Variants in PPP2R2B observed in about 807,000 individuals in gnomAD.
The protein encoded by PPP2R2B is serine/threonine-protein phosphatase 2A 55 kDa regulatory subunit B beta isoform.
PPP2R2B carries 5 observed loss-of-function variants against 46.0 expected under a neutral mutation model. The observed-to-expected ratio is 0.11, with a 90% CI of 0.06 to 0.23. The LOEUF is 0.23. PPP2R2B is among the 10% of genes least tolerant of loss of function. PPP2R2B has a pLI of 1.00. For synonymous variants in PPP2R2B, 215 were observed against 206.7 expected, an observed-to-expected ratio of 1.04 and a Z score of -0.34; for missense variants, 367 against 575.0, an observed-to-expected ratio of 0.64 and a Z score of 3.70.
intron 1 of PPP2R2B, among the ~76,000 whole-genome samples, chr5:146,904,277 A>G (rs1189276085): frequency 6.6e-6 from 1 of 152,248 alleles, no homozygotes; most frequent in African/African-American, 2.4e-5. Flanking sequence ...TCCTAAAAGT[A>G]TGAAAGGTCA....
chr5:146,638,517 A>G lies in PPP2R2B; in HGVS notation c.626-102T>C, dbSNP rs977539466. 21 of 1,122,758 alleles carry G rather than the reference A, an allele frequency of 1.9e-5. No homozygotes were observed. In the African/African-American group the frequency reaches 2.5e-4, roughly 13 times the overall value. The allele number at this position is 1,122,758 out of a possible 1,614,324, so 69.5% of individuals were successfully genotyped here. A position where few individuals can be genotyped will look rare whatever the true frequency, so the allele number is the denominator to read the frequency against. On this transcript the variant is annotated intron_variant, in intron 6 of 9. Coordinates refer to ENST00000394411, the MANE Select transcript of PPP2R2B (RefSeq NM_181675.4). ...CATCTTATATTAGTAAAATATGTCA[A>G]CATTTGCTATGCACATGGTAGATCC...
chr5:146,617,260 C>T (rs996494493), intron 7 of PPP2R2B, among the ~76,000 whole-genome samples: 1 of 151,108 alleles, frequency 6.6e-6, no homozygotes, highest in Non-Finnish European at 1.5e-5. Flanking sequence ...TTAATGGGTA[C>T]AAAAAAATAG....
chr5:146,920,795 G>C (rs918004075), intron 1 of PPP2R2B, among the ~76,000 whole-genome samples: 1 of 152,156 alleles, frequency 6.6e-6, no homozygotes, highest in Non-Finnish European at 1.5e-5. Flanking sequence ...AGGGGAGTGG[G>C]TGGGTACGTC....
At chr5:146,907,926 A>C (rs1463655932) in intron 1 of PPP2R2B, among the ~76,000 whole-genome samples, 2 of 152,170 alleles carry the variant, frequency 1.3e-5, no homozygotes, top group African/African-American at 4.8e-5. Flanking sequence ...GCAGCATTGA[A>C]TTCCCTAGAA....
intron 5 of PPP2R2B, among the ~76,000 whole-genome samples, chr5:146,658,811 C>T (rs1174232849): frequency 6.6e-6 from 1 of 152,100 alleles, no homozygotes; most frequent in African/African-American, 2.4e-5. Flanking sequence ...TAATCAAGGC[C>T]GCATAGACGC....
At chr5:147,003,351 G>C (rs1340432537) in intron 1 of PPP2R2B, among the ~76,000 whole-genome samples, 3 of 152,112 alleles carry the variant, frequency 2.0e-5, no homozygotes, top group Non-Finnish European at 4.4e-5. Flanking sequence ...AAGCTGTAGG[G>C]AGAGGGGAAT....
intron 2 of PPP2R2B, among the ~76,000 whole-genome samples, chr5:146,860,256 T>G (rs1485155308): frequency 1.3e-5 from 2 of 152,188 alleles, no homozygotes; most frequent in Non-Finnish European, 1.5e-5. Flanking sequence ...CCTATCAAAT[T>G]TAGAAAAGCA....
In PPP2R2B at chr5:146,638,387, C is replaced by T; in HGVS notation, c.654G>A (p.Met218Ile). The change falls in exon 7 of 10, where the codon ATG becomes ATA. Residue 218 changes from methionine to isoleucine, a missense_variant. Met to Ile is a conservative substitution (Grantham distance 10). This residue lies in a region of PPP2R2B where 361 missense variants were observed against 545.5 expected (regional missense o/e 0.66). Coordinates refer to ENST00000394411, the MANE Select transcript of PPP2R2B (RefSeq NM_181675.4). ...CTGTGATCACCTCCGTGAGCTCCTC[C>T]ATGTTGGCTGGCTTAATGTCCACAA... ...FNIVDIKPAN[M>I]EELTEVITAA... 6.2e-7 allele frequency: 1 copy of T among 1,611,430 alleles called. No individual in the cohort carries two copies.
chr5:146,888,732 C>A (rs1762403986), intron 1 of PPP2R2B, among the ~76,000 whole-genome samples: 1 of 152,160 alleles, frequency 6.6e-6, no homozygotes. Flanking sequence ...ACCACCACCA[C>A]TCCCTATAGA....
chr5:147,011,516 A>G (rs1754732754), intron 1 of PPP2R2B, among the ~76,000 whole-genome samples: 1 of 152,202 alleles, frequency 6.6e-6, no homozygotes, highest in Non-Finnish European at 1.5e-5. Flanking sequence ...TAAGGAATAT[A>G]TAAAACAAAA....
At chr5:146,765,614 C>A (rs527332784) in intron 2 of PPP2R2B, among the ~76,000 whole-genome samples, 3 of 152,310 alleles carry the variant, frequency 2.0e-5, no homozygotes, top group Non-Finnish European at 4.4e-5. Flanking sequence ...CAAGACCATG[C>A]TTTGTTTCTT....
intron 2 of PPP2R2B, among the ~76,000 whole-genome samples, chr5:146,850,368 C>T (rs1760270051): frequency 6.6e-6 from 1 of 152,128 alleles, no homozygotes; most frequent in African/African-American, 2.4e-5. Context: ...CCCAATCTTC[C>T]CTACATTTAA....
chr5:146,848,553 G>GT (rs1202480363), intron 2 of PPP2R2B, among the ~76,000 whole-genome samples: 1 of 151,914 alleles, frequency 6.6e-6, no homozygotes, highest in African/African-American at 2.4e-5. Context: ...TGTTTTTCTC[G>GT]TGATTGAAGA....
intron 5 of PPP2R2B, 138 bp downstream of exon 5, chr5:146,690,990 G>A: frequency 1.5e-6 from 1 of 645,550 alleles, no homozygotes; most frequent in South Asian, 2.0e-5. Context: ...ACCAGAGAGA[G>A]ACTGGGGTAG....
intron 2 of PPP2R2B, among the ~76,000 whole-genome samples, chr5:147,070,114 T>G (rs1757542645): frequency 6.6e-6 from 1 of 152,080 alleles, no homozygotes; most frequent in Non-Finnish European, 1.5e-5. Context: ...ATAGCATATG[T>G]CATCATCAGA....
intron 1 of PPP2R2B, among the ~76,000 whole-genome samples, chr5:146,910,459 T>C (rs541236832): frequency 3.3e-5 from 5 of 152,212 alleles, no homozygotes; most frequent in Non-Finnish European, 7.3e-5. Context: ...TGTACAAACA[T>C]GCAGTGAATA....
chr5:146,793,534 C>T (rs545558365), intron 2 of PPP2R2B, among the ~76,000 whole-genome samples: 1 of 152,184 alleles, frequency 6.6e-6, no homozygotes, highest in South Asian at 2.1e-4. Flanking sequence ...TTATTTTTAT[C>T]CTAATTTTAT....
intron 9 of PPP2R2B, among the ~76,000 whole-genome samples, chr5:146,590,755 G>A (rs928123539): frequency 1.3e-5 from 2 of 152,094 alleles, no homozygotes; most frequent in African/African-American, 2.4e-5. Flanking sequence ...GCACGAACCC[G>A]GGGCGCGACC....
rs1370801012 is a variant in PPP2R2B at position 146,676,190 on chromosome 5, T to A, written c.447+14938A>T. Among the ~76,000 whole-genome samples the A allele has an allele frequency of 3.3e-5, 5 of 152,264 alleles. No individual in the cohort carries two copies. The East Asian group carries it at 9.7e-4, about 29-fold the overall frequency. ...TCTGCCAGGAACTATCTAGGCGGCT[T>A]TTCCATGTTGGTGAACATCCTGTCT... On this transcript the variant is annotated intron_variant, in intron 5 of 9. Coordinates refer to ENST00000394411, the MANE Select transcript of PPP2R2B (RefSeq NM_181675.4).
Sources: gnomAD v4.1 joint callset for allele counts (sites outside exome capture counted in the v4.1 genomes callset) on GRCh38, gnomAD v4.1.1 for gene constraint, gnomAD v4.1.1 regional missense constraint, MANE v1.5 for transcripts, NCBI Gene and HGNC (gene_info 2026-07-23, HGNC 2026-07-21) for gene names.